The following PPP2R5A variants were observed in gnomAD, a reference collection of about 807,000 sequenced individuals.
PPP2R5A encodes the protein serine/threonine-protein phosphatase 2A 56 kDa regulatory subunit alpha isoform.
Under a neutral mutation model 64.2 loss-of-function variants are expected in PPP2R5A, and 25 were observed. The ratio of observed to expected loss-of-function variants is 0.39; its 90% CI spans 0.28 to 0.54. The LOEUF (loss-of-function observed/expected upper bound fraction) is 0.54, where lower values mean the gene tolerates loss of function less well. Among genes scored for constraint, PPP2R5A ranks in the 20% least tolerant of loss-of-function variants. The pLI is 0.67. For missense variants in PPP2R5A, 425 were observed against 576.3 expected (o/e 0.74, Z 2.69); for synonymous variants, 198 against 201.2 (o/e 0.98, Z 0.13).
In PPP2R5A at chr1:212,333,655, C is replaced by A. The variant is rs1049278303; in HGVS notation, c.480+57C>A. The A allele has an allele frequency of 4.0e-6, 4 of 995,784 alleles. No homozygotes were observed. In the African/African-American group the frequency reaches 5.0e-5, roughly 12 times the overall value. 61.7% of individuals were successfully genotyped at this position (995,784 alleles called of 1,614,324 possible). A position where few individuals can be genotyped will look rare whatever the true frequency, so the allele number is the denominator to read the frequency against. On this transcript the variant is annotated intron_variant, in intron 3 of 12. Transcript: ENST00000261461. ...TATATTTATGCTATTCTGCAGAAAT[C>A]ATGGTTTTCTCATTTAGATTCTGAG...
chr1:212,327,076 G>A (rs1241834702), intron 1 of PPP2R5A, among the ~76,000 whole-genome samples: 1 of 152,112 alleles, frequency 6.6e-6, no homozygotes, highest in East Asian at 1.9e-4. Flanking sequence ...CTAGCTTCCT[G>A]CCCTGGAGTA....
intron 1 of PPP2R5A, among the ~76,000 whole-genome samples, chr1:212,309,949 A>G (rs1490182785): frequency 2.0e-5 from 3 of 152,184 alleles, no homozygotes; most frequent in South Asian, 4.1e-4. Flanking sequence ...CTTGGTACCA[A>G]CCTTGTTATT....
chr1:212,336,119 A>T (rs545743568), intron 3 of PPP2R5A, among the ~76,000 whole-genome samples: 4 of 151,782 alleles, frequency 2.6e-5, no homozygotes, highest in African/African-American at 9.7e-5. Flanking sequence ...TTTTTTATTT[A>T]TGTATTTATT....
At chr1:212,337,436 T>A (rs1241695755) in intron 3 of PPP2R5A, among the ~76,000 whole-genome samples, 1 of 152,102 alleles carries the variant, frequency 6.6e-6, no homozygotes, top group Non-Finnish European at 1.5e-5. Context: ...ATTTTAGGGA[T>A]TAGAAGGCTT....
intron 1 of PPP2R5A, among the ~76,000 whole-genome samples, chr1:212,318,975 T>A (rs991359569): frequency 6.6e-6 from 1 of 152,232 alleles, no homozygotes; most frequent in Admixed American, 6.5e-5. Flanking sequence ...AACTGTATAC[T>A]TATAAATTTA....
intron 4 of PPP2R5A, among the ~76,000 whole-genome samples, chr1:212,343,540 GGATT>G (rs2102441668): frequency 6.6e-6 from 1 of 152,252 alleles, no homozygotes; most frequent in African/African-American, 2.4e-5. Flanking sequence ...TTGCTGTGAA[GGATT>G]GATAAATGAA....
At chr1:212,320,616 G>A (rs1479906583) in intron 1 of PPP2R5A, among the ~76,000 whole-genome samples, 4 of 148,464 alleles carry the variant, frequency 2.7e-5, no homozygotes, top group Non-Finnish European at 4.5e-5. Flanking sequence ...AGCTGGCCGG[G>A]CGGGGGGCTG....
intron 9 of PPP2R5A, 131 bp downstream of exon 9, chr1:212,356,807 G>A: frequency 7.8e-7 from 1 of 1,282,592 alleles, no homozygotes; most frequent in Non-Finnish European, 1.1e-6. Flanking sequence ...CTTGGTAGAA[G>A]ACCTGTGCTA....
intron 2 of PPP2R5A, among the ~76,000 whole-genome samples, chr1:212,330,507 A>G (rs1011959065): frequency 1.3e-5 from 2 of 151,666 alleles, no homozygotes; most frequent in Non-Finnish European, 2.9e-5. Context: ...CATGATCACC[A>G]CTGCATTCCA....
intron 6 of PPP2R5A, among the ~76,000 whole-genome samples, chr1:212,348,173 A>G (rs1659816216): frequency 6.6e-6 from 1 of 152,208 alleles, no homozygotes; most frequent in Admixed American, 6.5e-5. Flanking sequence ...ATTACTTGGG[A>G]ATTAATTGAC....
intron 1 of PPP2R5A, among the ~76,000 whole-genome samples, chr1:212,296,777 A>G (rs1658698499): frequency 6.6e-6 from 1 of 152,266 alleles, no homozygotes; most frequent in Non-Finnish European, 1.5e-5. Flanking sequence ...TGATTGAAAG[A>G]AAAACATCAT....
intron 1 of PPP2R5A, among the ~76,000 whole-genome samples, chr1:212,298,802 G>GC (rs1313496368): frequency 2.9e-4 from 9 of 31,002 alleles, no homozygotes; most frequent in African/African-American, 3.3e-4. Context: ...GGGCAGAGGG[G>GC]TCCTCACTTC....
At chr1:212,341,577 TAATTA>T (rs1659685224) in intron 3 of PPP2R5A, among the ~76,000 whole-genome samples, 1 of 152,170 alleles carries the variant, frequency 6.6e-6, no homozygotes, top group South Asian at 2.1e-4. Flanking sequence ...GGAATATATT[TAATTA>T]AGAAATATTT....
intron 1 of PPP2R5A, among the ~76,000 whole-genome samples, chr1:212,294,569 T>C (rs2102411155): frequency 6.6e-6 from 1 of 152,356 alleles, no homozygotes; most frequent in African/African-American, 2.4e-5. Context: ...AAAAATCTAG[T>C]ACAGAAATCT....
At chr1:212,340,389 T>C (rs1190592428) in intron 3 of PPP2R5A, among the ~76,000 whole-genome samples, 2 of 152,210 alleles carry the variant, frequency 1.3e-5, no homozygotes, top group Non-Finnish European at 2.9e-5. Flanking sequence ...TTTTGAGCCA[T>C]ACCATCCCTA....
Position 212,285,994 on chromosome 1 carries a change from G to A in PPP2R5A, c.-117G>A, listed in dbSNP as rs1658487734. The stretch of plus-strand genomic sequence containing the variant: ...CGTCCCGGGGCCGGAGGGCCGTGGG[G>A]CCGGGGCGCAGGGGCGCGAGCACCC... On this transcript the variant is annotated 5_prime_UTR_variant, in exon 1 of 13. Coordinates refer to ENST00000261461, the MANE Select transcript of PPP2R5A (RefSeq NM_006243.4). 3.6e-6 allele frequency: 4 copies of A among 1,118,462 alleles called. No homozygotes were observed. The highest frequency in any genetic ancestry group is 4.7e-6 in the Non-Finnish European group (4 of 857,584). 69.3% of individuals were successfully genotyped at this position (1,118,462 alleles called of 1,614,324 possible). A position where few individuals can be genotyped will look rare whatever the true frequency, so the allele number is the denominator to read the frequency against.
In PPP2R5A at chr1:212,329,980, T is replaced by G. The variant is rs812074; in HGVS notation, c.378+649T>G. On this transcript the variant is annotated intron_variant, in intron 2 of 12. Coordinates refer to ENST00000261461, the MANE Select transcript of PPP2R5A (RefSeq NM_006243.4). ...CTTGTAAAGGGGAAAGGGAAGACCA[T>G]TGAAAGACTAGGGATCTCCACATTT... is the stretch of plus-strand genomic sequence containing the variant. 2.2e-3 allele frequency among the ~76,000 whole-genome samples: 338 copies of G among 152,170 alleles called. 2 individuals carry two copies. The highest frequency in any genetic ancestry group is 7.9e-3 in the African/African-American group (327 of 41,532).
At chr1:212,341,719 C>G (rs755129824) in intron 3 of PPP2R5A, among the ~76,000 whole-genome samples, 10 of 151,692 alleles carry the variant, frequency 6.6e-5, no homozygotes, top group Non-Finnish European at 2.9e-5. Flanking sequence ...TATATAGTTT[C>G]TAGGTTTGTT....
Position 212,347,416 on chromosome 1 carries a change from GT to G in PPP2R5A, c.764+17del. On this transcript the variant is annotated intron_variant, in intron 6 of 12. Coordinates refer to ENST00000261461, the MANE Select transcript of PPP2R5A (RefSeq NM_006243.4). ...TTGAAATATTAGGAAGGTAGGTCAG[GT>G]TTTTTTGTTCTTTTTAAGAATTAAG... The G allele has an allele frequency of 3.2e-6, 5 of 1,575,978 alleles. No homozygotes were observed. Among genetic ancestry groups the G allele is most frequent in the Non-Finnish European group, 4.3e-6 (5 of 1,149,980 alleles).
Sources: allele counts gnomAD v4.1 joint callset (sites outside exome capture counted in the v4.1 genomes callset), GRCh38; gene constraint gnomAD v4.1.1; transcripts MANE v1.5; gene names NCBI Gene and HGNC (gene_info 2026-07-23, HGNC 2026-07-21).